Variants in SLC24A2 observed in about 807,000 individuals in gnomAD.
SLC24A2 encodes sodium/potassium/calcium exchanger 2.
SLC24A2 carries 36 observed loss-of-function variants against 62.0 expected under a neutral mutation model. That is an observed-to-expected ratio of 0.58 (90% confidence interval 0.44 to 0.77). The LOEUF is 0.77. Among genes scored for constraint, SLC24A2 ranks in the 30% least tolerant of loss-of-function variants. The probability of loss-of-function intolerance (pLI) is 0.00; values close to 1 mark genes in which losing one functional copy is unlikely to be tolerated. For synonymous variants in SLC24A2, 358 were observed against 294.0 expected, an observed-to-expected ratio of 1.22 and a Z score of -2.23; for missense variants, 846 against 817.9, an observed-to-expected ratio of 1.03 and a Z score of -0.42.
At chr9:19,773,039 G>A (rs979954854) in intron 2 of SLC24A2, among the ~76,000 whole-genome samples, 1 of 152,064 alleles carries the variant, frequency 6.6e-6, no homozygotes, top group East Asian at 1.9e-4. Context: ...AAAACATTAC[G>A]CTAAATGAAA....
chr9:19,529,718 A>T (rs1833608278), intron 8 of SLC24A2, among the ~76,000 whole-genome samples: 1 of 151,116 alleles, frequency 6.6e-6, no homozygotes, highest in Admixed American at 6.6e-5. Flanking sequence ...ATAAAAAGGT[A>T]ATCATTTTTT....
intron 4 of SLC24A2, 41 bp downstream of exon 4, chr9:19,619,543 T>C (rs1260757580): frequency 6.8e-7 from 1 of 1,471,270 alleles, no homozygotes; most frequent in South Asian, 1.1e-5. Context: ...TGGCATCCTT[T>C]TCCCCCCAAA....
At chr9:20,181,427 C>T in the SLC24A2 span, among the ~76,000 whole-genome samples, 10 of 151,994 alleles carry the variant, frequency 6.6e-5, no homozygotes, top group Admixed American at 6.5e-4. Flanking sequence ...GGTACTGGTA[C>T]CAAAACAGGG....
chr9:20,000,381 A>G, the SLC24A2 span, among the ~76,000 whole-genome samples: 3 of 152,220 alleles, frequency 2.0e-5, no homozygotes, highest in Admixed American at 1.3e-4. Flanking sequence ...GGTTGGATCC[A>G]GACTGCCCTA....
the SLC24A2 span, among the ~76,000 whole-genome samples, chr9:19,925,759 C>T: frequency 6.6e-6 from 1 of 152,210 alleles, no homozygotes; most frequent in Non-Finnish European, 1.5e-5. Context: ...TCTCTATCCT[C>T]TTCAAAATGT....
intron 4 of SLC24A2, among the ~76,000 whole-genome samples, chr9:19,618,585 T>A (rs1430738035): frequency 6.6e-6 from 1 of 152,184 alleles, no homozygotes; most frequent in Admixed American, 6.5e-5. Flanking sequence ...CACTCTTGGG[T>A]CACAGATTTT....
At chr9:19,948,738 G>C in the SLC24A2 span, among the ~76,000 whole-genome samples, 1,551 of 150,544 alleles carry the variant, frequency 0.01, 30 homozygotes, top group East Asian at 0.059. Context: ...CCAGCTACTC[G>C]GGAGGCTGAG....
rs111306904 is a variant in SLC24A2, at chr9:19,554,194, C to T, written c.1348-3926G>A. 2.4e-3 allele frequency among the ~76,000 whole-genome samples: 359 copies of T among 152,244 alleles called. 4 individuals are homozygous for T. Among genetic ancestry groups the T allele is most frequent in the African/African-American group, 7.8e-3 (325 of 41,552 alleles). ...AGATGGGGACACAGCAAGAAGGCAG[C>T]GGCAGCAAGCAAAGGAGAGAGGCCT... On this transcript the variant is annotated intron_variant, in intron 7 of 10. Transcript: ENST00000341998.
chr9:20,192,648 G>A, the SLC24A2 span, among the ~76,000 whole-genome samples: 2 of 152,158 alleles, frequency 1.3e-5, no homozygotes, highest in Admixed American at 1.3e-4. Context: ...ATTAACCTCA[G>A]CTGCATATTA....
the SLC24A2 span, among the ~76,000 whole-genome samples, chr9:20,097,406 G>A: frequency 4.6e-4 from 70 of 152,158 alleles, no homozygotes; most frequent in Non-Finnish European, 8.5e-4. Context: ...TTAGTCTTCA[G>A]TATTGATATG....
At chr9:20,063,956 A>T in the SLC24A2 span, among the ~76,000 whole-genome samples, 2 of 152,168 alleles carry the variant, frequency 1.3e-5, no homozygotes, top group Non-Finnish European at 2.9e-5. Context: ...CTTACCAAAT[A>T]ACCCAGCCAT....
the SLC24A2 span, among the ~76,000 whole-genome samples, chr9:19,990,207 A>C: frequency 2.0e-5 from 3 of 152,326 alleles, 1 homozygote; most frequent in South Asian, 6.2e-4. Flanking sequence ...ACTGGGGCTT[A>C]GGAGGATTAA....
At chr9:20,065,623 T>G in the SLC24A2 span, among the ~76,000 whole-genome samples, 2 of 152,176 alleles carry the variant, frequency 1.3e-5, no homozygotes, top group African/African-American at 4.8e-5. Flanking sequence ...TCAAAAATCT[T>G]TTTTGCCTGT....
At chr9:19,883,112 C>T in the SLC24A2 span, among the ~76,000 whole-genome samples, 132,509 of 152,212 alleles carry the variant, frequency 0.87, 59,544 homozygotes, top group East Asian at 1. Context: ...AATTACCTAA[C>T]ACAAGAGTTA....
At chr9:19,618,771 C>T (rs1817833665) in intron 4 of SLC24A2, among the ~76,000 whole-genome samples, 1 of 152,048 alleles carries the variant, frequency 6.6e-6, no homozygotes, top group African/African-American at 2.4e-5. Context: ...AACATTGAGC[C>T]CAATTATAAA....
intron 2 of SLC24A2, among the ~76,000 whole-genome samples, chr9:19,767,135 C>T (rs1000083733): frequency 6.6e-6 from 1 of 152,138 alleles, no homozygotes; most frequent in East Asian, 1.9e-4. Context: ...ACGGCAGGCA[C>T]CCCTCCCCCG....
chr9:19,837,458 CAAAAAAAAAAAAAAAAAA>C, the SLC24A2 span, among the ~76,000 whole-genome samples: 35 of 22,354 alleles, frequency 1.6e-3, no homozygotes, highest in Middle Eastern at 0.12. Context: ...GACTCCGTCT[CAAAAAAAAAAAAAAAAAA>C]AAAAAAAAAA....
At chr9:20,086,784 C>T in the SLC24A2 span, among the ~76,000 whole-genome samples, 10 of 152,150 alleles carry the variant, frequency 6.6e-5, no homozygotes, top group Non-Finnish European at 1.3e-4. Flanking sequence ...TTATGCTTTT[C>T]TTTTTGTTCC....
At chr9:20,045,661 G>C in the SLC24A2 span, among the ~76,000 whole-genome samples, 9 of 152,064 alleles carry the variant, frequency 5.9e-5, 1 homozygote, top group South Asian at 1.7e-3. Flanking sequence ...TTGAATTCCT[G>C]ACCTCGTGAT....
Sources: allele counts gnomAD v4.1 joint callset (sites outside exome capture counted in the v4.1 genomes callset), GRCh38; gene constraint gnomAD v4.1.1; transcripts MANE v1.5; gene names NCBI Gene and HGNC (gene_info 2026-07-23, HGNC 2026-07-21).